The following AGO4 variants were observed in gnomAD, a reference collection of about 807,000 sequenced individuals.
AGO4 encodes argonaute RISC component 4.
AGO4 carries 33 observed loss-of-function variants against 104.7 expected under a neutral mutation model. That is an observed-to-expected ratio of 0.32 (90% CI 0.24 to 0.42). The LOEUF is 0.42. Among genes scored for constraint, AGO4 ranks in the 10% least tolerant of loss-of-function variants. AGO4 has a pLI of 1.00. For synonymous variants in AGO4, 331 were observed against 364.7 expected (o/e 0.91, Z 1.05); for missense variants, 711 against 1,083.4 (o/e 0.66, Z 4.83).
chr1:35,819,799 T>TA (rs77771083), intron 2 of AGO4, among the ~76,000 whole-genome samples: 2,032 of 130,972 alleles, frequency 0.016, 34 homozygotes, highest in African/African-American at 0.046. Flanking sequence ...CTCTGAGTCT[T>TA]AAAAAAAAAA....
chr1:35,840,457 C>G (rs573530715), intron 13 of AGO4, among the ~76,000 whole-genome samples: 4 of 152,174 alleles, frequency 2.6e-5, no homozygotes, highest in Non-Finnish European at 4.4e-5. Flanking sequence ...TCACCATGCC[C>G]GGCCTTAATT....
rs1205161710 is a variant in AGO4 at position 35,857,023 on chromosome 1, T to C, written c.*3418T>C. 1.3e-5 allele frequency: 2 copies of C among 152,196 alleles called. No individual in the cohort carries two copies. The highest frequency in any genetic ancestry group is 1.9e-4 in the East Asian group (1 of 5,204). 9.4% of individuals were successfully genotyped at this position (152,196 alleles called of 1,614,324 possible). A position where few individuals can be genotyped will look rare whatever the true frequency, so the allele number is the denominator to read the frequency against. ...TTCTATTTGCTGCTTCCAAAGGTGA[T>C]GATTTTCAAGCAGACATGTTCTATA... On this transcript the variant is annotated 3_prime_UTR_variant, in exon 18 of 18. Coordinates refer to ENST00000373210, the MANE Select transcript of AGO4 (RefSeq NM_017629.4).
At chr1:35,837,348 T>C (rs1266383244) in intron 13 of AGO4, among the ~76,000 whole-genome samples, 2 of 151,656 alleles carry the variant, frequency 1.3e-5, no homozygotes, top group African/African-American at 2.4e-5. Flanking sequence ...CCTCCCAAAG[T>C]GCTGAGATTA....
rs1302865095 is a variant in AGO4 at position 35,850,797 on chromosome 1, A to C, written c.2278-57A>C. Reference sequence around the variant, plus strand: ...CTCCATCTCAAAAAAAAAAAAAAAAAAACAAAAACAAAAAACGAACAAAAA... The same window carrying C: ...CTCCATCTCAAAAAAAAAAAAAAAACAACAAAAACAAAAAACGAACAAAAA... On this transcript the variant is annotated intron_variant, in intron 16 of 17. Coordinates refer to ENST00000373210, the MANE Select transcript of AGO4 (RefSeq NM_017629.4). 3.7e-6 allele frequency: 4 copies of C among 1,074,560 alleles called. No homozygotes were observed. In the South Asian group the frequency reaches 4.9e-5, roughly 13 times the overall value. 66.6% of individuals were successfully genotyped at this position (1,074,560 alleles called of 1,614,324 possible). A position where few individuals can be genotyped will look rare whatever the true frequency, so the allele number is the denominator to read the frequency against.
chr1:35,822,286 A>G (rs1340017794), intron 2 of AGO4, among the ~76,000 whole-genome samples: 1 of 149,596 alleles, frequency 6.7e-6, no homozygotes, highest in Non-Finnish European at 1.5e-5. Context: ...ACAGAATTTC[A>G]CTCTTGTTGC....
rs528674992 is a variant in AGO4, at chr1:35,815,767, C to T, written c.20-1115C>T. ...GCATTGTAGAATGCGTAGCTGTATC[C>T]TGGGTCCTTTCCACTAGATGCCAGC... On this transcript the variant is annotated intron_variant, in intron 1 of 17. Transcript: ENST00000373210. 2.6e-5 allele frequency among the ~76,000 whole-genome samples: 4 copies of T among 152,196 alleles called. No individual in the cohort carries two copies. The South Asian group carries it at 8.3e-4, about 32-fold the overall frequency.
chr1:35,822,733 A>G (rs531148837), intron 2 of AGO4, 129 bp from the exon 3 acceptor site: 8 of 1,190,150 alleles, frequency 6.7e-6, no homozygotes, highest in Admixed American at 4.8e-5. Context: ...ACTCGAATCA[A>G]TTGTAACCTT....
chr1:35,814,109 A>T (rs1368831095), intron 1 of AGO4, among the ~76,000 whole-genome samples: 1 of 150,770 alleles, frequency 6.6e-6, no homozygotes, highest in African/African-American at 2.4e-5. Context: ...GAAAGAAGAG[A>T]GAGAGAAAAA....
At chr1:35,823,175 C>G (rs1643924828) in intron 3 of AGO4, among the ~76,000 whole-genome samples, 193 bp downstream of exon 3, 1 of 151,940 alleles carries the variant, frequency 6.6e-6, no homozygotes, top group South Asian at 2.1e-4. Flanking sequence ...GTATGTACAA[C>G]TGTCATATAT....
In AGO4 at chr1:35,826,805, A is replaced by G. The variant is rs559197311; in HGVS notation, c.818A>G (p.Asn273Ser). The G allele has an allele frequency of 1.9e-6, 3 of 1,614,204 alleles. No homozygotes were observed. Among genetic ancestry groups the G allele is most frequent in the African/African-American group, 1.3e-5 (1 of 75,062 alleles). ...GQMKRKYRVCNVTRRPASHQT... is the reference protein window; with the variant it reads ...GQMKRKYRVCSVTRRPASHQT... Reference sequence around the variant, plus strand: ...ATGAAACGAAAATACCGAGTTTGTAATGTGACTAGACGGCCAGCCAGTCAT... The same window carrying G: ...ATGAAACGAAAATACCGAGTTTGTAGTGTGACTAGACGGCCAGCCAGTCAT... The change falls in exon 7 of 18, where the codon AAT (asparagine) becomes AGT (serine). Residue 273 changes from asparagine to serine, a missense_variant. This residue lies in a region of AGO4 where 308 missense variants were observed against 397.8 expected (regional missense o/e 0.77). Transcript: ENST00000373210.
chr1:35,809,787 A>C (rs566114913), intron 1 of AGO4, among the ~76,000 whole-genome samples: 2 of 152,298 alleles, frequency 1.3e-5, no homozygotes, highest in Non-Finnish European at 2.9e-5. Context: ...ATTGAGGGTA[A>C]TAATAAGTAT....
At chr1:35,843,927 C>G (rs928055919) in intron 15 of AGO4, among the ~76,000 whole-genome samples, 1 of 152,098 alleles carries the variant, frequency 6.6e-6, no homozygotes, top group Non-Finnish European at 1.5e-5. Flanking sequence ...TACTTTGTAC[C>G]CTGACATTTA....
chr1:35,842,902 G>T (rs906802425), intron 15 of AGO4, among the ~76,000 whole-genome samples: 3 of 152,096 alleles, frequency 2.0e-5, no homozygotes, highest in African/African-American at 7.2e-5. Context: ...TTGCTTCTTT[G>T]ATATTTTTTA....
chr1:35,821,400 T>C (rs563257276), intron 2 of AGO4, among the ~76,000 whole-genome samples: 2 of 152,352 alleles, frequency 1.3e-5, no homozygotes, highest in Admixed American at 1.3e-4. Context: ...TTTTAAGATA[T>C]TGTTCCCACA....
At chr1:35,840,672 G>A (rs372160382) in intron 13 of AGO4, among the ~76,000 whole-genome samples, 11 of 152,342 alleles carry the variant, frequency 7.2e-5, no homozygotes, top group African/African-American at 2.6e-4. Flanking sequence ...ACAGTACAGT[G>A]TAGTATAGTA....
chr1:35,842,691 A>G (rs1370255893), intron 15 of AGO4, among the ~76,000 whole-genome samples: 2 of 152,162 alleles, frequency 1.3e-5, no homozygotes, highest in African/African-American at 4.8e-5. Flanking sequence ...AGTCCCAGGT[A>G]TCCAGGAGGC....
chr1:35,840,944 T>C (rs1216962496), intron 13 of AGO4, among the ~76,000 whole-genome samples: 1 of 152,204 alleles, frequency 6.6e-6, no homozygotes, highest in Non-Finnish European at 1.5e-5. Flanking sequence ...CTTCTCTTCC[T>C]ACTGTTATAG....
chr1:35,836,935 C>CT (rs1644328699), intron 13 of AGO4, among the ~76,000 whole-genome samples: 1 of 152,190 alleles, frequency 6.6e-6, no homozygotes. Context: ...CTTACCAACA[C>CT]TTGGTAGTAT....
rs1178648731 is a variant in AGO4, at chr1:35,831,594, G to C, written c.996+20G>C. ...CTCGAGGTAAGTTAAATTTTCTTTT[G>C]CCAATTTGCTGATCTCTTGAATGAG... On this transcript the variant is annotated intron_variant, in intron 8 of 17. Coordinates refer to ENST00000373210, the MANE Select transcript of AGO4 (RefSeq NM_017629.4). 6.2e-7 allele frequency: 1 copy of C among 1,606,724 alleles called. No individual in the cohort carries two copies. Among genetic ancestry groups the C allele is most frequent in the Non-Finnish European group, 8.5e-7 (1 of 1,177,744 alleles).
Sources: gnomAD v4.1 joint callset for allele counts (sites outside exome capture counted in the v4.1 genomes callset) on GRCh38, gnomAD v4.1.1 for gene constraint, gnomAD v4.1.1 regional missense constraint, MANE v1.5 for transcripts, NCBI Gene and HGNC (gene_info 2026-07-23, HGNC 2026-07-21) for gene names.